Variants in SYNE2 observed in about 807,000 individuals in gnomAD.
SYNE2 encodes the protein nesprin-2.
Under a neutral mutation model 856.3 loss-of-function variants are expected in SYNE2, and 431 were observed. That is an observed-to-expected ratio of 0.50 (90% confidence interval 0.47 to 0.55). The LOEUF (loss-of-function observed/expected upper bound fraction) is 0.55. SYNE2 is among the 20% of genes least tolerant of loss of function. The pLI, the probability that SYNE2 is intolerant of heterozygous loss-of-function variation, is 0.00. For missense variants in SYNE2, 8,129 were observed against 8,023.2 expected, an observed-to-expected ratio of 1.01 and a Z score of -0.50; for synonymous variants, 2,923 against 2,872.3, an observed-to-expected ratio of 1.02 and a Z score of -0.56.
At chr14:64,024,506 C>A in intron 39 of SYNE2, 47 bp downstream of exon 39, 1 of 1,573,056 alleles carries the variant, frequency 6.4e-7, no homozygotes. Flanking sequence ...CTAACCATAT[C>A]TTTATTTGTA....
chr14:64,144,542 A>T (rs957409126), intron 83 of SYNE2, among the ~76,000 whole-genome samples: 2 of 152,252 alleles, frequency 1.3e-5, no homozygotes, highest in African/African-American at 4.8e-5. Context: ...TATAGTTAGC[A>T]AATAAACATG....
chr14:63,782,884 T>C (rs1238372104), intron 1 of SYNE2, among the ~76,000 whole-genome samples: 2 of 152,040 alleles, frequency 1.3e-5, no homozygotes, highest in Non-Finnish European at 2.9e-5. Flanking sequence ...TAAATTTTGT[T>C]TAATTAATAT....
At chr14:63,964,752 G>A (rs7150961) in intron 10 of SYNE2, among the ~76,000 whole-genome samples, 1 of 151,926 alleles carries the variant, frequency 6.6e-6, no homozygotes. Context: ...TCGAACTCCT[G>A]ACCTCAGGTG....
At chr14:64,073,316 A>T (rs529356349) in intron 52 of SYNE2, among the ~76,000 whole-genome samples, 10 of 152,206 alleles carry the variant, frequency 6.6e-5, no homozygotes, top group African/African-American at 1.4e-4. Flanking sequence ...AGAACTAAAG[A>T]TGCTCCTATC....
At position 63,854,790 on chromosome 14, in the gene SYNE2, A is replaced by C. The variant is rs145994482; in HGVS notation, c.-52+1647A>C. ...GGATTCGTGTTAATTGTGTTGTAGGATATTACAGAATGTTTAGAGAACTGA... is the reference window on the plus strand; with the variant it reads ...GGATTCGTGTTAATTGTGTTGTAGGCTATTACAGAATGTTTAGAGAACTGA... On this transcript the variant is annotated intron_variant, in intron 1 of 115. Coordinates refer to ENST00000555002, the MANE Select transcript of SYNE2 (RefSeq NM_182914.3). 9.2e-5 allele frequency among the ~76,000 whole-genome samples: 14 copies of C among 152,356 alleles called. No individual in the cohort carries two copies. The East Asian group carries it at 2.7e-3, about 29-fold the overall frequency.
At chr14:64,047,948 G>T (rs1273453293) in intron 45 of SYNE2, 52 bp from the exon 46 acceptor site, 5 of 1,570,198 alleles carry the variant, frequency 3.2e-6, no homozygotes, top group Non-Finnish European at 4.4e-6. Context: ...AAATAAAAAG[G>T]ATTTATTTGG....
At chr14:64,014,633 T>G (rs2096873707) in intron 32 of SYNE2, among the ~76,000 whole-genome samples, 1 of 152,074 alleles carries the variant, frequency 6.6e-6, no homozygotes, top group African/African-American at 2.4e-5. Flanking sequence ...TTCACCATAT[T>G]GGTCAGGCTG....
intron 94 of SYNE2, among the ~76,000 whole-genome samples, chr14:64,171,207 G>A (rs1479202226): frequency 1.3e-5 from 2 of 152,200 alleles, no homozygotes; most frequent in Admixed American, 6.5e-5. Context: ...CCATGGAGCT[G>A]TAGAGCTACT....
At chr14:63,937,381 C>T (rs985161380) in intron 2 of SYNE2, among the ~76,000 whole-genome samples, 1 of 152,000 alleles carries the variant, frequency 6.6e-6, no homozygotes, top group East Asian at 1.9e-4. Flanking sequence ...TGGGGGAAGA[C>T]GATGATACGG....
At position 64,168,852 on chromosome 14, in the gene SYNE2, A is replaced by G. The variant is rs376065401; in HGVS notation, c.16906-25A>G. 9 of 1,503,376 alleles carry G rather than the reference A, an allele frequency of 6.0e-6. No homozygotes were observed. In the African/African-American group the frequency reaches 9.6e-5, roughly 16 times the overall value. 93.1% of individuals were successfully genotyped at this position (1,503,376 alleles called of 1,614,324 possible). A position where few individuals can be genotyped will look rare whatever the true frequency, so the allele number is the denominator to read the frequency against. Reference sequence around the variant, plus strand: ...CATAAAATGAATTTTACTAGCTGATATTTTCTGCTTGGACTCATATACAGA... The same window carrying G: ...CATAAAATGAATTTTACTAGCTGATGTTTTCTGCTTGGACTCATATACAGA... On this transcript the variant is annotated intron_variant, in intron 92 of 115. Coordinates refer to ENST00000555002, the MANE Select transcript of SYNE2 (RefSeq NM_182914.3).
chr14:64,170,533 G>C, intron 94 of SYNE2, 71 bp downstream of exon 94: 1 of 1,456,016 alleles, frequency 6.9e-7, no homozygotes, highest in Non-Finnish European at 9.4e-7. Context: ...ATTCACCTTT[G>C]GTTTAATGTT....
rs767767035 is a variant in SYNE2, at chr14:64,062,747, C to T, written c.10068-4C>T. 1.9e-6 allele frequency: 3 copies of T among 1,612,492 alleles called. No homozygotes were observed. Among genetic ancestry groups the T allele is most frequent in the Admixed American group, 3.3e-5 (2 of 59,978 alleles). ...CCACTTTTTTTCTAACTGTGACTCA[C>T]TAGGTATCTTGAGAATTACAAATGC... On this transcript the variant is annotated splice_polypyrimidine_tract_variant and splice_region_variant and intron_variant, in intron 49 of 115. Transcript: ENST00000555002.
At position 64,009,950 on chromosome 14, in the gene SYNE2, A is replaced by AT; in HGVS notation, c.4578-11dup. 1.2e-6 allele frequency: 2 copies of AT among 1,610,452 alleles called. No individual in the cohort carries two copies. Among genetic ancestry groups the AT allele is most frequent in the African/African-American group, 1.3e-5 (1 of 74,888 alleles). ...ATTTTTGGACATTTAGCTATTGTAT[A>AT]TTTTTCTATTCTTAGTCTTGAACAA... is the stretch of plus-strand genomic sequence containing the variant. On this transcript the variant is annotated splice_polypyrimidine_tract_variant and intron_variant, in intron 31 of 115. Transcript: ENST00000555002.
rs755553726 is a variant in SYNE2 at position 64,053,524 on chromosome 14, G to T, written c.9611G>T (p.Cys3204Phe). The T allele has an allele frequency of 2.0e-5, 33 of 1,614,236 alleles. No homozygotes were observed. The highest frequency in any genetic ancestry group is 2.8e-5 in the Non-Finnish European group (33 of 1,180,038). Residue 3204 changes from cysteine (C) to phenylalanine (F), a missense_variant, in exon 48 of 116, where the codon TGT (cysteine) becomes TTT (phenylalanine). Physicochemically the swap from Cys to Phe is radical, Grantham distance 205. Coordinates refer to ENST00000555002, the MANE Select transcript of SYNE2 (RefSeq NM_182914.3). Reference protein sequence around the residue: ...AFQEQVWAEMCSIKAVTAIEK... With the variant: ...AFQEQVWAEMFSIKAVTAIEK... Reference sequence around the variant, plus strand: ...CAGGAGCAAGTTTGGGCAGAAATGTGTAGTATTAAAGCTGTGACTGCTATT... The same window carrying T: ...CAGGAGCAAGTTTGGGCAGAAATGTTTAGTATTAAAGCTGTGACTGCTATT...
At chr14:64,034,556 A>G (rs1474288730) in intron 45 of SYNE2, 4 of 532,816 alleles carry the variant, frequency 7.5e-6, no homozygotes, top group Non-Finnish European at 3.4e-6. Flanking sequence ...ATATATTTGA[A>G]TCCATTGTCA....
intron 45 of SYNE2, among the ~76,000 whole-genome samples, chr14:64,038,818 CAGAGGGAGACCGTGGAAAGAGAGGG>C (rs375875459): frequency 4.2e-4 from 64 of 152,278 alleles, no homozygotes; most frequent in Admixed American, 2.7e-3. Flanking sequence ...GGCTCGGCAT[CAGAGGGAGACCGTGGAAAGAGAGGG>C]AGAGGGAGAC....
chr14:64,195,075 A>G (rs868079276), intron 99 of SYNE2, among the ~76,000 whole-genome samples: 1 of 152,170 alleles, frequency 6.6e-6, no homozygotes, highest in African/African-American at 2.4e-5. Context: ...CAGGTTGCAC[A>G]TCTTGATGAA....
At chr14:64,087,093 T>TAAAAAAA (rs56917782) in intron 57 of SYNE2, among the ~76,000 whole-genome samples, 8,858 of 98,084 alleles carry the variant, frequency 0.09, 855 homozygotes, top group Non-Finnish European at 0.13. Context: ...TGATAATTGG[T>TAAAAAAA]AAAAAAAAAA....
chr14:63,784,953 T>TGG (rs58032140), intron 1 of SYNE2, among the ~76,000 whole-genome samples: 3,033 of 151,666 alleles, frequency 0.02, 52 homozygotes, highest in Non-Finnish European at 0.032. Flanking sequence ...GTTATTTTTT[T>TGG]GGGGGGGTGA....
Sources: allele counts gnomAD v4.1 joint callset (sites outside exome capture counted in the v4.1 genomes callset), GRCh38; gene constraint gnomAD v4.1.1; transcripts MANE v1.5; gene names NCBI Gene and HGNC (gene_info 2026-07-23, HGNC 2026-07-21).